Variants in NUMB observed in about 807,000 individuals in gnomAD.
The protein encoded by NUMB is NUMB endocytic adaptor protein.
NUMB carries 29 observed loss-of-function variants against 59.7 expected under a neutral mutation model. The observed-to-expected ratio is 0.49, with a 90% CI of 0.36 to 0.66. The LOEUF is 0.66. Among genes scored for constraint, NUMB ranks in the 30% least tolerant of loss-of-function variants. The pLI is 0.00. For synonymous variants in NUMB, 288 were observed against 288.2 expected (o/e 1.00, Z 0.01); for missense variants, 723 against 822.0 (o/e 0.88, Z 1.47).
chr14:73,365,113 C>G (rs187778362), intron 3 of NUMB, among the ~76,000 whole-genome samples: 218 of 152,264 alleles, frequency 1.4e-3, no homozygotes, highest in African/African-American at 5.0e-3. Context: ...GATCTCGGTT[C>G]ACTGCAACCT....
chr14:73,386,867 A>ATTTTTT (rs71112745), intron 2 of NUMB, among the ~76,000 whole-genome samples: 1,228 of 79,716 alleles, frequency 0.015, 218 homozygotes, highest in East Asian at 0.11. Flanking sequence ...CAGGTGTCTT[A>ATTTTTT]TTTTTTTTTT....
chr14:73,359,810 T>C (rs1566760475), intron 3 of NUMB, among the ~76,000 whole-genome samples: 1 of 152,070 alleles, frequency 6.6e-6, no homozygotes, highest in Admixed American at 6.6e-5. Context: ...CTTGGCAAAA[T>C]ATTTACACAT....
intron 4 of NUMB, among the ~76,000 whole-genome samples, chr14:73,345,102 C>T (rs1277593232): frequency 6.6e-6 from 1 of 152,114 alleles, no homozygotes; most frequent in Non-Finnish European, 1.5e-5. Context: ...AACGTAGATG[C>T]CCATCAGTGG....
intron 2 of NUMB, among the ~76,000 whole-genome samples, chr14:73,407,928 A>G (rs1423735475): frequency 2.0e-5 from 3 of 152,164 alleles, no homozygotes; most frequent in Admixed American, 2.0e-4. Flanking sequence ...CAGTTTTCTC[A>G]TCCCACTGAA....
chr14:73,365,279 G>A (rs192724068), intron 3 of NUMB, among the ~76,000 whole-genome samples: 28 of 152,192 alleles, frequency 1.8e-4, no homozygotes, highest in African/African-American at 6.5e-4. Flanking sequence ...GGCCTCAAGT[G>A]ATCTGCCCAT....
chr14:73,431,730 C>T (rs111749821), intron 1 of NUMB, among the ~76,000 whole-genome samples: 6 of 151,922 alleles, frequency 3.9e-5, no homozygotes, highest in African/African-American at 1.2e-4. Flanking sequence ...GCCTGAGCAA[C>T]AGAGCAAGAC....
intron 1 of NUMB, among the ~76,000 whole-genome samples, chr14:73,422,908 C>CA (rs143271018): frequency 0.55 from 67,412 of 122,898 alleles, 17,355 homozygotes; most frequent in East Asian, 0.71. Flanking sequence ...GATCCTGTCT[C>CA]AAAAAAAAAA....
intron 6 of NUMB, among the ~76,000 whole-genome samples, chr14:73,303,035 T>C (rs1890237661): frequency 6.6e-6 from 1 of 151,710 alleles, no homozygotes; most frequent in Non-Finnish European, 1.5e-5. Context: ...CTCACGAACA[T>C]GGCGAAACCC....
chr14:73,333,996 C>T (rs1161732414), intron 4 of NUMB, among the ~76,000 whole-genome samples: 1 of 152,018 alleles, frequency 6.6e-6, no homozygotes, highest in Admixed American at 6.6e-5. Context: ...TCCCAAGTAG[C>T]TGGGACCACA....
chr14:73,427,216 C>A (rs1043836800), intron 1 of NUMB, among the ~76,000 whole-genome samples: 1 of 151,862 alleles, frequency 6.6e-6, no homozygotes, highest in Admixed American at 6.6e-5. Context: ...CGGTGGCTCA[C>A]GCCTGTAATC....
intron 1 of NUMB, among the ~76,000 whole-genome samples, chr14:73,417,275 C>G (rs1327191924): frequency 6.6e-6 from 1 of 152,236 alleles, no homozygotes; most frequent in Admixed American, 6.5e-5. Context: ...CTCTGACTTA[C>G]ACACTTAGCC....
intron 4 of NUMB, among the ~76,000 whole-genome samples, chr14:73,323,913 T>G (rs1329415835): frequency 2.6e-5 from 4 of 152,198 alleles, no homozygotes; most frequent in African/African-American, 9.7e-5. Flanking sequence ...CCCCAAAGTA[T>G]GGTGCTGAAT....
At chr14:73,406,186 CTG>C (rs1896665145) in intron 2 of NUMB, among the ~76,000 whole-genome samples, 1 of 150,744 alleles carries the variant, frequency 6.6e-6, no homozygotes, top group South Asian at 2.1e-4. Flanking sequence ...CGTTGGTGTG[CTG>C]CACCTATTAA....
At chr14:73,444,307 G>C (rs1276789456) in intron 1 of NUMB, among the ~76,000 whole-genome samples, 2 of 150,588 alleles carry the variant, frequency 1.3e-5, no homozygotes, top group Non-Finnish European at 3.0e-5. Flanking sequence ...GCTGAGGCAG[G>C]AGAATTGCTT....
intron 3 of NUMB, among the ~76,000 whole-genome samples, chr14:73,362,149 T>TG (rs1329366646): frequency 2.0e-5 from 3 of 150,858 alleles, no homozygotes; most frequent in South Asian, 4.2e-4. Flanking sequence ...CCCAGCTACT[T>TG]GGGGGGCTGG....
intron 1 of NUMB, among the ~76,000 whole-genome samples, chr14:73,450,940 C>T (rs1362085529): frequency 1.3e-5 from 2 of 151,840 alleles, no homozygotes; most frequent in Non-Finnish European, 2.9e-5. Context: ...TCACTTGAGG[C>T]CAGGAGTTCA....
At chr14:73,367,348 T>G (rs12896374) in intron 2 of NUMB, among the ~76,000 whole-genome samples, 26,419 of 105,130 alleles carry the variant, frequency 0.25, 3,246 homozygotes, top group Non-Finnish European at 0.27. Flanking sequence ...TATATATATA[T>G]AGAGAGAGAG....
intron 4 of NUMB, among the ~76,000 whole-genome samples, chr14:73,326,627 CA>C (rs1220147303): frequency 7.0e-6 from 1 of 143,780 alleles, no homozygotes; most frequent in Non-Finnish European, 1.5e-5. Flanking sequence ...AACTTTGTCT[CA>C]AAAAAAAGAA....
intron 3 of NUMB, among the ~76,000 whole-genome samples, chr14:73,358,774 C>T (rs1893947928): frequency 6.6e-6 from 1 of 152,052 alleles, no homozygotes; most frequent in Admixed American, 6.6e-5. Flanking sequence ...TTTAAATATA[C>T]CCTTGCATCA....
Sources: gnomAD v4.1 joint callset for allele counts (sites outside exome capture counted in the v4.1 genomes callset) on GRCh38, gnomAD v4.1.1 for gene constraint, MANE v1.5 for transcripts, NCBI Gene and HGNC (gene_info 2026-07-23, HGNC 2026-07-21) for gene names.